Variants in RANBP2 observed in about 807,000 individuals in gnomAD.
RANBP2 encodes E3 SUMO-protein ligase RanBP2.
RANBP2 carries 57 observed loss-of-function variants against 303.6 expected under a neutral mutation model. That is an observed-to-expected ratio of 0.19 (90% CI 0.15 to 0.23). The LOEUF is 0.23. RANBP2 is among the 10% of genes least tolerant of loss of function. The pLI, the probability that RANBP2 is intolerant of heterozygous loss-of-function variation, is 1.00. For synonymous variants in RANBP2, 1,167 were observed against 1,301.5 expected (o/e 0.90, Z 2.23); for missense variants, 3,138 against 3,780.8 (o/e 0.83, Z 4.46).
chr2:109,251,260 C>G, the RANBP2 span, among the ~76,000 whole-genome samples: 6 of 152,212 alleles, frequency 3.9e-5, no homozygotes, highest in African/African-American at 1.4e-4. Flanking sequence ...GCCTCAGCCT[C>G]CCAAAGTGCT....
chr2:108,853,979 ATATAATATATAATAAATTTATATTAT>A, the RANBP2 span, among the ~76,000 whole-genome samples: 1 of 12,722 alleles, frequency 7.9e-5, no homozygotes, highest in African/African-American at 1.3e-4. Context: ...TATATATAAT[ATATAATATATAATAAATTTATATTAT>A]ATATAATATA....
chr2:108,808,134 T>TAACA, the RANBP2 span, among the ~76,000 whole-genome samples: 3 of 152,224 alleles, frequency 2.0e-5, no homozygotes, highest in African/African-American at 7.2e-5. Context: ...TTCATCCATG[T>TAACA]TGCTGCAAAT....
At chr2:109,254,888 G>A in the RANBP2 span, among the ~76,000 whole-genome samples, 1 of 152,190 alleles carries the variant, frequency 6.6e-6, no homozygotes, top group African/African-American at 2.4e-5. Flanking sequence ...TGGGCTCAGC[G>A]AGACAGTACG....
At chr2:109,291,038 G>A in the RANBP2 span, among the ~76,000 whole-genome samples, 2 of 152,202 alleles carry the variant, frequency 1.3e-5, no homozygotes, top group African/African-American at 4.8e-5. Context: ...ACATTCTCAT[G>A]TGCTGGGGTA....
At chr2:109,054,753 G>T in the RANBP2 span, among the ~76,000 whole-genome samples, 3 of 150,822 alleles carry the variant, frequency 2.0e-5, no homozygotes, top group Admixed American at 1.3e-4. Context: ...GTATACACCT[G>T]TGTCACCTCC....
rs1413627635 is a variant in RANBP2 at position 108,785,186 on chromosome 2, A to G, written c.*1285A>G. On this transcript the variant is annotated 3_prime_UTR_variant, in exon 29 of 29. Transcript: ENST00000283195. ...GGAAATTGGGTATCCTAAAGCAAGT[A>G]ACTGTTCAACCACCAGTCAAAAGAG... 6.6e-6 allele frequency: 1 copy of G among 152,202 alleles called. No individual in the cohort carries two copies. The highest frequency in any genetic ancestry group is 2.4e-5 in the African/African-American group (1 of 41,442). 9.4% of individuals were successfully genotyped at this position (152,202 alleles called of 1,614,324 possible).
chr2:109,348,827 C>T, the RANBP2 span, among the ~76,000 whole-genome samples: 2 of 152,112 alleles, frequency 1.3e-5, no homozygotes, highest in African/African-American at 2.4e-5. Context: ...TGCTCCCCGC[C>T]GCCCCCAGAT....
the RANBP2 span, among the ~76,000 whole-genome samples, chr2:109,742,495 A>C: frequency 6.7e-6 from 1 of 148,752 alleles, no homozygotes; most frequent in Non-Finnish European, 1.5e-5. Flanking sequence ...TATATGGGGA[A>C]GACTACAAAA....
chr2:109,294,130 A>G, the RANBP2 span, among the ~76,000 whole-genome samples: 10 of 152,278 alleles, frequency 6.6e-5, no homozygotes, highest in Admixed American at 6.5e-4. Context: ...GGGCCCCTCC[A>G]TGTAATCAGT....
chr2:108,899,205 G>T, the RANBP2 span, among the ~76,000 whole-genome samples: 1 of 152,298 alleles, frequency 6.6e-6, no homozygotes, highest in African/African-American at 2.4e-5. Context: ...AGAGGGAAAA[G>T]AATTAGAATG....
the RANBP2 span, among the ~76,000 whole-genome samples, chr2:108,858,852 A>G: frequency 1.3e-5 from 2 of 152,124 alleles, no homozygotes; most frequent in South Asian, 2.1e-4. Flanking sequence ...ACATTATTTC[A>G]TTATTTTTTA....
intron 9 of RANBP2, 46 bp from the exon 10 acceptor site, chr2:108,751,218 A>G (rs1383751976): frequency 6.2e-7 from 1 of 1,612,002 alleles, no homozygotes; most frequent in Non-Finnish European, 8.5e-7. Context: ...TAATGGCACA[A>G]GGAAAAATTT....
intron 1 of RANBP2, among the ~76,000 whole-genome samples, chr2:108,723,633 T>C (rs1047867617): frequency 1.3e-5 from 2 of 152,196 alleles, no homozygotes; most frequent in African/African-American, 4.8e-5. Context: ...TCAGACACTT[T>C]GGTTTGCCCC....
the RANBP2 span, among the ~76,000 whole-genome samples, chr2:109,108,646 A>G: frequency 6.6e-6 from 1 of 152,160 alleles, no homozygotes; most frequent in Non-Finnish European, 1.5e-5. Context: ...CTGGAAACAT[A>G]CAGGATAAAG....
the RANBP2 span, among the ~76,000 whole-genome samples, chr2:109,084,281 G>A: frequency 1.1e-3 from 169 of 152,330 alleles, no homozygotes; most frequent in Admixed American, 2.2e-3. Context: ...CTGGAATGTT[G>A]AGACCGAAAA....
chr2:109,112,506 T>C, the RANBP2 span, among the ~76,000 whole-genome samples: 4 of 152,134 alleles, frequency 2.6e-5, no homozygotes, highest in Non-Finnish European at 4.4e-5. Flanking sequence ...TAAATTTGTT[T>C]GAGTTCATTG....
the RANBP2 span, among the ~76,000 whole-genome samples, chr2:109,733,893 C>T: frequency 9.2e-4 from 139 of 151,296 alleles, no homozygotes; most frequent in Non-Finnish European, 1.5e-3. Context: ...AAATGTCGGC[C>T]GGGCGCAGTG....
At chr2:109,319,186 G>T in the RANBP2 span, among the ~76,000 whole-genome samples, 1 of 152,186 alleles carries the variant, frequency 6.6e-6, no homozygotes, top group Admixed American at 6.5e-5. Flanking sequence ...CTTGGCTGTC[G>T]CCCTGTATAT....
the RANBP2 span, among the ~76,000 whole-genome samples, chr2:109,002,516 T>C: frequency 6.6e-6 from 1 of 152,166 alleles, no homozygotes; most frequent in South Asian, 2.1e-4. Context: ...GGCTCCCCAC[T>C]GCCCTTGGAA....
Sources: gnomAD v4.1 joint callset for allele counts (sites outside exome capture counted in the v4.1 genomes callset) on GRCh38, gnomAD v4.1.1 for gene constraint, MANE v1.5 for transcripts, NCBI Gene and HGNC (gene_info 2026-07-23, HGNC 2026-07-21) for gene names.